The following PLPPR5 variants were observed in gnomAD, a reference collection of about 807,000 sequenced individuals.
The protein encoded by PLPPR5 is phospholipid phosphatase related 5.
In PLPPR5, 16 loss-of-function variants were observed where a neutral mutation model predicts 33.9. The observed-to-expected ratio is 0.47, with a 90% CI of 0.32 to 0.72. PLPPR5 has a LOEUF of 0.72. PLPPR5 is among the 30% of genes least tolerant of loss of function. The probability of loss-of-function intolerance (pLI) is 0.03; values close to 1 mark genes in which losing one functional copy is unlikely to be tolerated. For synonymous variants in PLPPR5, 163 were observed against 150.3 expected, an observed-to-expected ratio of 1.08 and a Z score of -0.62; for missense variants, 301 against 406.7, an observed-to-expected ratio of 0.74 and a Z score of 2.23.
rs112607843 is a variant in PLPPR5, at chr1:98,945,292, G to C, written c.621+7778C>G. Among the ~76,000 whole-genome samples the C allele has an allele frequency of 7.1e-3, 1,074 of 152,264 alleles. 14 individuals are homozygous for C. The highest frequency in any genetic ancestry group is 0.025 in the African/African-American group (1,030 of 41,554). On this transcript the variant is annotated intron_variant, in intron 3 of 5. Transcript: ENST00000263177. Reference sequence around the variant, plus strand: ...ACTATCTATATGGCTTTTAGTGCTTGAGCTACCTGGTCACCTGGAAAATAG... The same window carrying C: ...ACTATCTATATGGCTTTTAGTGCTTCAGCTACCTGGTCACCTGGAAAATAG...
chr1:98,980,296 T>A (rs934864146), intron 1 of PLPPR5, among the ~76,000 whole-genome samples: 1 of 152,106 alleles, frequency 6.6e-6, no homozygotes, highest in Non-Finnish European at 1.5e-5. Context: ...CTTTGCAAAC[T>A]TTTATGTGTT....
intron 5 of PLPPR5, among the ~76,000 whole-genome samples, chr1:98,910,508 C>T (rs1268539908): frequency 3.3e-5 from 5 of 152,064 alleles, no homozygotes; most frequent in Non-Finnish European, 5.9e-5. Context: ...AAAGACATCA[C>T]CAAACTTCTA....
rs192797295 is a variant in PLPPR5, at chr1:98,919,060, A to C, written c.798+2822T>G. 2.6e-5 allele frequency among the ~76,000 whole-genome samples: 4 copies of C among 152,326 alleles called. No individual in the cohort carries two copies. The East Asian group carries it at 7.7e-4, about 29-fold the overall frequency. On this transcript the variant is annotated intron_variant, in intron 4 of 5. Transcript: ENST00000263177. ...TTTATTACACATTAGTTAATATTAC[A>C]TATTAAAAGTTGGAATATCCTTTGT...
At chr1:98,955,852 T>C (rs191721275) in intron 2 of PLPPR5, among the ~76,000 whole-genome samples, 160 of 152,234 alleles carry the variant, frequency 1.1e-3, no homozygotes, top group African/African-American at 3.8e-3. Flanking sequence ...TATTTTTATC[T>C]GATAAATCCA....
chr1:98,944,148 A>G (rs1157050492), intron 3 of PLPPR5, among the ~76,000 whole-genome samples: 2 of 152,318 alleles, frequency 1.3e-5, no homozygotes, highest in East Asian at 3.9e-4. Flanking sequence ...TAAATCCTAC[A>G]ATACTCAGGG....
At chr1:98,951,699 A>G (rs943828399) in intron 3 of PLPPR5, among the ~76,000 whole-genome samples, 26 of 152,156 alleles carry the variant, frequency 1.7e-4, no homozygotes, top group Non-Finnish European at 7.4e-5. Context: ...TTATTCAGTA[A>G]TCTTTATTTG....
intron 1 of PLPPR5, among the ~76,000 whole-genome samples, chr1:98,962,955 T>G (rs1347674843): frequency 6.6e-6 from 1 of 152,136 alleles, no homozygotes; most frequent in East Asian, 1.9e-4. Context: ...AGCCCCACAT[T>G]TTCTATTTAC....
intron 3 of PLPPR5, among the ~76,000 whole-genome samples, chr1:98,952,374 A>G (rs1570727672): frequency 6.6e-6 from 1 of 151,758 alleles, no homozygotes; most frequent in Middle Eastern, 3.4e-3. Context: ...CCTTGTGAGG[A>G]GGGAGAGGCT....
intron 1 of PLPPR5, among the ~76,000 whole-genome samples, chr1:98,998,773 T>C (rs570992011): frequency 3.9e-5 from 6 of 152,314 alleles, no homozygotes; most frequent in African/African-American, 1.2e-4. Flanking sequence ...ATTGATTACA[T>C]TAATGAATTT....
intron 4 of PLPPR5, among the ~76,000 whole-genome samples, chr1:98,920,609 A>AAAAAAAAAAAAAAAAAAAAAAAAT (rs1454056694): frequency 6.7e-6 from 1 of 149,998 alleles, no homozygotes; most frequent in Non-Finnish European, 1.5e-5. Flanking sequence ...AAAAAAAAAA[A>AAAAAAAAAAAAAAAAAAAAAAAAT]GCAGCACAGG....
chr1:98,992,940 G>C (rs555254728), intron 1 of PLPPR5, among the ~76,000 whole-genome samples: 1 of 152,220 alleles, frequency 6.6e-6, no homozygotes, highest in African/African-American at 2.4e-5. Flanking sequence ...GTCGAGGTAT[G>C]TCACTTCCTT....
chr1:98,983,465 A>G (rs1652133883), intron 1 of PLPPR5, among the ~76,000 whole-genome samples: 1 of 132,088 alleles, frequency 7.6e-6, no homozygotes. Flanking sequence ...TATGTGCCAC[A>G]TTTTCTTAAT....
At chr1:98,977,553 T>C (rs1481699657) in intron 1 of PLPPR5, among the ~76,000 whole-genome samples, 2 of 149,022 alleles carry the variant, frequency 1.3e-5, no homozygotes, top group Non-Finnish European at 3.0e-5. Context: ...GATGCTTAGA[T>C]AATAAGCAAA....
At chr1:98,987,873 C>T (rs1652313184) in intron 1 of PLPPR5, among the ~76,000 whole-genome samples, 2 of 151,794 alleles carry the variant, frequency 1.3e-5, no homozygotes, top group East Asian at 1.9e-4. Flanking sequence ...TGTTTTTTCT[C>T]TTAAGCTACC....
intron 4 of PLPPR5, among the ~76,000 whole-genome samples, chr1:98,921,662 G>A (rs1376252610): frequency 6.6e-6 from 1 of 152,118 alleles, no homozygotes; most frequent in African/African-American, 2.4e-5. Flanking sequence ...TTTAAGCATA[G>A]GATTTGTATT....
chr1:98,956,214 G>C (rs1249273455), intron 2 of PLPPR5, among the ~76,000 whole-genome samples: 1 of 151,980 alleles, frequency 6.6e-6, no homozygotes, highest in Non-Finnish European at 1.5e-5. Flanking sequence ...CGTAATTTTT[G>C]GCTCTTAAAG....
chr1:98,908,910 C>T (rs1038838936), intron 5 of PLPPR5, among the ~76,000 whole-genome samples: 3 of 152,094 alleles, frequency 2.0e-5, no homozygotes, highest in Non-Finnish European at 2.9e-5. Context: ...GGCCTTTTGT[C>T]AATCTGAACA....
intron 5 of PLPPR5, among the ~76,000 whole-genome samples, chr1:98,910,151 A>G (rs1337107994): frequency 1.3e-5 from 2 of 152,236 alleles, no homozygotes; most frequent in African/African-American, 4.8e-5. Context: ...TCTCCATACA[A>G]AAGTGACAAC....
chr1:98,960,265 G>A lies in PLPPR5; in HGVS notation c.238-3524C>T, dbSNP rs189700745. 5.9e-4 allele frequency among the ~76,000 whole-genome samples: 90 copies of A among 151,920 alleles called. 2 individuals carry two copies. In the East Asian group the frequency reaches 0.015, roughly 25 times the overall value. On this transcript the variant is annotated intron_variant, in intron 1 of 5. Transcript: ENST00000263177. ...GTCACCCAGGCTGGAGTGCAGTGGC[G>A]CACTCTTGGCTCACTGCAACCTCCT...
Sources: allele counts gnomAD v4.1 joint callset (sites outside exome capture counted in the v4.1 genomes callset), GRCh38; gene constraint gnomAD v4.1.1; transcripts MANE v1.5; gene names NCBI Gene and HGNC (gene_info 2026-07-23, HGNC 2026-07-21).